The following ADGRL3 variants were observed in gnomAD, a reference collection of about 807,000 sequenced individuals.
ADGRL3 encodes adhesion G protein-coupled receptor L3, also known as calcium-independent alpha-latrotoxin receptor 3.
ADGRL3 carries 62 observed loss-of-function variants against 153.5 expected under a neutral mutation model. That is an observed-to-expected ratio of 0.40 (90% CI 0.33 to 0.50). The LOEUF (loss-of-function observed/expected upper bound fraction) is 0.50, where lower values mean the gene tolerates loss of function less well. Among genes scored for constraint, ADGRL3 ranks in the 20% least tolerant of loss-of-function variants. ADGRL3 has a pLI of 0.47. For missense variants in ADGRL3, 1,641 were observed against 1,859.4 expected (o/e 0.88, Z 2.16); for synonymous variants, 710 against 672.5 (o/e 1.06, Z -0.86).
At chr4:61,936,727 A>G (rs915675010) in intron 15 of ADGRL3, among the ~76,000 whole-genome samples, 3 of 151,346 alleles carry the variant, frequency 2.0e-5, no homozygotes, top group Admixed American at 6.6e-5. Flanking sequence ...ATATATTTAC[A>G]TCTCCTCTAA....
At chr4:61,648,807 C>T (rs1028439397) in intron 5 of ADGRL3, among the ~76,000 whole-genome samples, 1 of 151,998 alleles carries the variant, frequency 6.6e-6, no homozygotes, top group Admixed American at 6.6e-5. Context: ...CTAAACTACT[C>T]ATCTGGATAT....
intron 1 of ADGRL3, among the ~76,000 whole-genome samples, chr4:61,307,093 C>G (rs143959475): frequency 6.6e-6 from 1 of 152,254 alleles, no homozygotes; most frequent in East Asian, 1.9e-4. Context: ...GTTCTAAATG[C>G]AGGAATTGAG....
chr4:61,680,274 G>C (rs1213197842), intron 6 of ADGRL3, among the ~76,000 whole-genome samples: 1 of 150,586 alleles, frequency 6.6e-6, no homozygotes, highest in Non-Finnish European at 1.5e-5. Flanking sequence ...ATACAATTTA[G>C]TAATATCCAT....
chr4:61,556,337 C>G (rs1209028198), intron 4 of ADGRL3, among the ~76,000 whole-genome samples: 1 of 151,880 alleles, frequency 6.6e-6, no homozygotes, highest in Admixed American at 6.6e-5. Flanking sequence ...GCAGAAGGAA[C>G]AAGGAGTACA....
chr4:61,370,688 G>GA (rs1464878969), intron 1 of ADGRL3, among the ~76,000 whole-genome samples: 3 of 151,606 alleles, frequency 2.0e-5, no homozygotes, highest in Non-Finnish European at 3.0e-5. Flanking sequence ...GTATGGTGCT[G>GA]AAAAAAATGT....
intron 5 of ADGRL3, among the ~76,000 whole-genome samples, chr4:61,661,940 A>G (rs936825054): frequency 1.3e-5 from 2 of 152,220 alleles, no homozygotes; most frequent in Non-Finnish European, 2.9e-5. Context: ...GAAAATAGCA[A>G]ACTAGAAAAT....
At chr4:62,034,927 T>A (rs1724128542) in intron 23 of ADGRL3, among the ~76,000 whole-genome samples, 1 of 151,946 alleles carries the variant, frequency 6.6e-6, no homozygotes, top group Middle Eastern at 3.2e-3. Flanking sequence ...TGGTAAGGTA[T>A]ATTCTCTTTC....
chr4:61,345,004 G>T (rs1031507736), intron 1 of ADGRL3, among the ~76,000 whole-genome samples: 5 of 151,230 alleles, frequency 3.3e-5, no homozygotes, highest in Admixed American at 6.6e-5. Context: ...CAGCATGTTG[G>T]CCAGGCTTGT....
intron 5 of ADGRL3, among the ~76,000 whole-genome samples, chr4:61,618,993 CAG>C (rs1393619639): frequency 6.6e-6 from 1 of 152,164 alleles, no homozygotes; most frequent in Non-Finnish European, 1.5e-5. Flanking sequence ...ACTGGGATTA[CAG>C]GCATGAGCCA....
intron 8 of ADGRL3, among the ~76,000 whole-genome samples, chr4:61,771,175 A>C (rs2097081575): frequency 6.6e-6 from 1 of 152,116 alleles, no homozygotes; most frequent in Non-Finnish European, 1.5e-5. Context: ...TATTTCTCTT[A>C]CTGCACATGT....
chr4:61,417,883 C>G (rs1050191885), intron 2 of ADGRL3, among the ~76,000 whole-genome samples: 1 of 151,902 alleles, frequency 6.6e-6, no homozygotes, highest in Non-Finnish European at 1.5e-5. Context: ...GGTAGTAGAG[C>G]AATGAAGGCC....
intron 3 of ADGRL3, among the ~76,000 whole-genome samples, chr4:61,516,667 T>A (rs1482428562): frequency 6.6e-6 from 1 of 152,152 alleles, no homozygotes; most frequent in Non-Finnish European, 1.5e-5. Flanking sequence ...GTAAAATCAC[T>A]GTGTATATAA....
chr4:61,725,463 C>A (rs912765652), intron 6 of ADGRL3, among the ~76,000 whole-genome samples: 2 of 151,900 alleles, frequency 1.3e-5, no homozygotes, highest in Non-Finnish European at 2.9e-5. Flanking sequence ...GGCGTGGTGG[C>A]AGGTGCCTGT....
intron 6 of ADGRL3, among the ~76,000 whole-genome samples, chr4:61,720,234 C>T (rs948864897): frequency 1.3e-5 from 2 of 151,520 alleles, no homozygotes; most frequent in Non-Finnish European, 2.9e-5. Context: ...GGACTACAGG[C>T]GCCCACCACC....
intron 5 of ADGRL3, among the ~76,000 whole-genome samples, chr4:61,666,479 CAGAAA>C (rs928021221): frequency 7.0e-6 from 1 of 142,520 alleles, no homozygotes; most frequent in Non-Finnish European, 1.5e-5. Context: ...TTTTGTTGCT[CAGAAA>C]AGAAAAGAAT....
rs114337765 is a variant in ADGRL3 at position 61,956,329 on chromosome 4, A to G, written c.2805+8053A>G. Among the ~76,000 whole-genome samples, 830 of 151,826 alleles carry G rather than the reference A, an allele frequency of 5.5e-3. 3 individuals are homozygous for G. The highest frequency in any genetic ancestry group is 9.8e-3 in the Non-Finnish European group (668 of 68,008). Reference sequence around the variant, plus strand: ...TTTTCCTATGTTTGTTGGCTGCGTAAATGTCGTCTTTGGAGAAATGTCTGT... The same window carrying G: ...TTTTCCTATGTTTGTTGGCTGCGTAGATGTCGTCTTTGGAGAAATGTCTGT... On this transcript the variant is annotated intron_variant, in intron 17 of 26. Coordinates refer to ENST00000683033, the MANE Select transcript of ADGRL3 (RefSeq NM_001387552.1).
At chr4:62,007,524 A>T (rs2099166105) in intron 21 of ADGRL3, among the ~76,000 whole-genome samples, 2 of 147,188 alleles carry the variant, frequency 1.4e-5, no homozygotes, top group African/African-American at 2.5e-5. Context: ...GATAGATTAC[A>T]CCTTCAAAAC....
intron 1 of ADGRL3, among the ~76,000 whole-genome samples, chr4:61,325,632 C>T (rs1434801591): frequency 6.6e-6 from 1 of 152,044 alleles, no homozygotes; most frequent in Non-Finnish European, 1.5e-5. Context: ...AAAGTTCTGC[C>T]CCTGTGCATC....
At chr4:61,476,885 C>T (rs1037258286) in intron 2 of ADGRL3, among the ~76,000 whole-genome samples, 4 of 151,710 alleles carry the variant, frequency 2.6e-5, no homozygotes, top group Admixed American at 1.3e-4. Context: ...GGCAATGACT[C>T]TTGTTAGGAC....
Sources: gnomAD v4.1 joint callset for allele counts (sites outside exome capture counted in the v4.1 genomes callset) on GRCh38, gnomAD v4.1.1 for gene constraint, MANE v1.5 for transcripts, NCBI Gene and HGNC (gene_info 2026-07-23, HGNC 2026-07-21) for gene names.